The following PTPRD variants were observed in gnomAD, a reference collection of about 807,000 sequenced individuals.
PTPRD encodes receptor-type tyrosine-protein phosphatase delta.
Under a neutral mutation model 214.5 loss-of-function variants are expected in PTPRD, and 34 were observed. That is an observed-to-expected ratio of 0.16 (90% CI 0.12 to 0.21). The LOEUF is 0.21. Among genes scored for constraint, PTPRD ranks in the 10% least tolerant of loss-of-function variants. The probability of loss-of-function intolerance (pLI) is 1.00; values close to 1 mark genes in which losing one functional copy is unlikely to be tolerated. For synonymous variants in PTPRD, 1,128 were observed against 845.7 expected (o/e 1.33, Z -5.79); for missense variants, 2,545 against 2,398.7 (o/e 1.06, Z -1.27).
intron 5 of PTPRD, among the ~76,000 whole-genome samples, chr9:9,850,413 T>A (rs2060329357): frequency 6.6e-6 from 1 of 152,104 alleles, no homozygotes; most frequent in African/African-American, 2.4e-5. Flanking sequence ...AGTTAACTGA[T>A]TGGATAGATG....
intron 9 of PTPRD, among the ~76,000 whole-genome samples, chr9:9,350,308 T>C (rs961642515): frequency 6.6e-6 from 1 of 152,094 alleles, no homozygotes; most frequent in South Asian, 2.1e-4. Flanking sequence ...CTAACTCTTA[T>C]AGGTGCAGAG....
intron 5 of PTPRD, among the ~76,000 whole-genome samples, chr9:9,864,851 C>CACATTA (rs980756077): frequency 3.3e-5 from 5 of 152,012 alleles, no homozygotes; most frequent in Non-Finnish European, 5.9e-5. Flanking sequence ...GTGCATTATT[C>CACATTA]ACATTAAAAT....
intron 37 of PTPRD, among the ~76,000 whole-genome samples, chr9:8,378,624 G>T (rs74530356): frequency 0.01 from 1,583 of 152,136 alleles, 27 homozygotes; most frequent in African/African-American, 0.036. Context: ...CAGCTGGAGA[G>T]CAACCCTTTC....
chr9:9,971,896 T>C (rs1021743430), intron 4 of PTPRD, among the ~76,000 whole-genome samples: 1 of 152,188 alleles, frequency 6.6e-6, no homozygotes, highest in Non-Finnish European at 1.5e-5. Context: ...TAGTATTTCA[T>C]GAATAAAACT....
chr9:8,508,889 GTC>G (rs763226084), intron 21 of PTPRD, among the ~76,000 whole-genome samples: 293 of 96,516 alleles, frequency 3.0e-3, no homozygotes, highest in African/African-American at 9.0e-3. Flanking sequence ...GTGTGTGTGT[GTC>G]TGTGTGTGTG....
At chr9:9,411,237 T>G (rs1157313345) in intron 8 of PTPRD, among the ~76,000 whole-genome samples, 1 of 147,024 alleles carries the variant, frequency 6.8e-6, no homozygotes, top group Non-Finnish European at 1.5e-5. Context: ...AATAATAAAT[T>G]CCCTGAGGAT....
At chr9:10,206,684 T>C (rs1305745518) in intron 3 of PTPRD, among the ~76,000 whole-genome samples, 1 of 152,180 alleles carries the variant, frequency 6.6e-6, no homozygotes, top group Non-Finnish European at 1.5e-5. Context: ...CGGTTTTAAA[T>C]ATAGTTTGAA....
intron 8 of PTPRD, among the ~76,000 whole-genome samples, chr9:9,415,318 A>C (rs2076677764): frequency 6.6e-6 from 1 of 152,026 alleles, no homozygotes; most frequent in Non-Finnish European, 1.5e-5. Context: ...TACTGAAAAT[A>C]CAAAAATTAG....
intron 3 of PTPRD, among the ~76,000 whole-genome samples, chr9:10,285,198 G>A (rs1053678888): frequency 6.6e-6 from 1 of 152,058 alleles, no homozygotes; most frequent in Non-Finnish European, 1.5e-5. Context: ...CAATATACCT[G>A]CTTTTATCAC....
intron 2 of PTPRD, among the ~76,000 whole-genome samples, chr9:10,583,303 T>C (rs781022237): frequency 9.9e-5 from 15 of 151,998 alleles, no homozygotes; most frequent in Non-Finnish European, 1.8e-4. Context: ...ACATGTGAGA[T>C]GGTATGCTTT....
intron 7 of PTPRD, among the ~76,000 whole-genome samples, chr9:9,687,487 C>G (rs4742610): frequency 4.0e-5 from 6 of 151,478 alleles, no homozygotes; most frequent in African/African-American, 1.5e-4. Flanking sequence ...TATGTTTTCT[C>G]TAGTCCTCAG....
intron 3 of PTPRD, among the ~76,000 whole-genome samples, chr9:10,203,160 C>CCT (rs1233257142): frequency 1.8e-4 from 27 of 149,860 alleles, no homozygotes; most frequent in African/African-American, 3.7e-4. Context: ...CTGTCTTCTC[C>CCT]CTCTCTCTCT....
At chr9:9,390,962 G>C (rs1199224177) in intron 9 of PTPRD, among the ~76,000 whole-genome samples, 1 of 152,140 alleles carries the variant, frequency 6.6e-6, no homozygotes, top group Non-Finnish European at 1.5e-5. Flanking sequence ...GGTGTTGATT[G>C]CAAGATGGTG....
chr9:9,779,628 A>G (rs1220051388), intron 5 of PTPRD, among the ~76,000 whole-genome samples: 2 of 152,212 alleles, frequency 1.3e-5, no homozygotes, highest in Non-Finnish European at 2.9e-5. Flanking sequence ...TAATCATCAG[A>G]AAAATGCCAA....
At chr9:9,088,850 G>C (rs1343566960) in intron 10 of PTPRD, among the ~76,000 whole-genome samples, 3 of 152,072 alleles carry the variant, frequency 2.0e-5, no homozygotes, top group African/African-American at 7.2e-5. Flanking sequence ...AGTTTAGCAA[G>C]TTACTTAATG....
chr9:9,291,664 A>T (rs1951185744), intron 9 of PTPRD, among the ~76,000 whole-genome samples: 1 of 151,146 alleles, frequency 6.6e-6, no homozygotes, highest in Non-Finnish European at 1.5e-5. Flanking sequence ...TATTTTTTCC[A>T]TTGGTTTGCT....
At chr9:9,758,276 G>C (rs372589388) in intron 6 of PTPRD, among the ~76,000 whole-genome samples, 5 of 151,122 alleles carry the variant, frequency 3.3e-5, no homozygotes, top group Admixed American at 3.3e-4. Flanking sequence ...CATTCGCTTG[G>C]CTTTTGTATA....
intron 4 of PTPRD, among the ~76,000 whole-genome samples, chr9:10,024,125 G>GT (rs1359592189): frequency 6.6e-6 from 1 of 152,020 alleles, no homozygotes. Context: ...GTCATAAGAT[G>GT]TATTTTTAAT....
intron 5 of PTPRD, among the ~76,000 whole-genome samples, chr9:9,914,957 C>T (rs1161131050): frequency 6.6e-6 from 1 of 152,168 alleles, no homozygotes; most frequent in Non-Finnish European, 1.5e-5. Flanking sequence ...ATCCCTGTAG[C>T]CCCAAACCCA....
Sources: allele counts gnomAD v4.1 joint callset (sites outside exome capture counted in the v4.1 genomes callset), GRCh38; gene constraint gnomAD v4.1.1; transcripts MANE v1.5; gene names NCBI Gene and HGNC (gene_info 2026-07-23, HGNC 2026-07-21).